The following SCFD2 variants were observed in gnomAD, a reference collection of about 807,000 sequenced individuals.
SCFD2 encodes sec1 family domain-containing protein 2.
In SCFD2, 54 loss-of-function variants were observed where a neutral mutation model predicts 58.9. The observed-to-expected ratio is 0.92, with a 90% confidence interval of 0.74 to 1.15. The LOEUF is 1.15. Among genes scored for constraint, SCFD2 ranks in the 50% most tolerant of loss-of-function variants. SCFD2 has a pLI of 0.00. For synonymous variants in SCFD2, 321 were observed against 335.9 expected (o/e 0.96, Z 0.49); for missense variants, 805 against 836.6 (o/e 0.96, Z 0.47).
intron 5 of SCFD2, among the ~76,000 whole-genome samples, chr4:52,940,969 T>C (rs1181887089): frequency 1.8e-4 from 27 of 152,076 alleles, no homozygotes; most frequent in Non-Finnish European, 1.6e-4. Flanking sequence ...ATATATCAGC[T>C]CAGATGTCCC....
At chr4:53,337,905 T>A (rs1459297924) in intron 2 of SCFD2, among the ~76,000 whole-genome samples, 3 of 152,340 alleles carry the variant, frequency 2.0e-5, no homozygotes, top group Middle Eastern at 3.4e-3. Flanking sequence ...TTTAATAATC[T>A]GCCTTTCAGA....
intron 5 of SCFD2, among the ~76,000 whole-genome samples, chr4:52,985,104 T>C (rs973220516): frequency 6.6e-6 from 1 of 152,200 alleles, no homozygotes; most frequent in Non-Finnish European, 1.5e-5. Flanking sequence ...CTTCAGACAA[T>C]TTAAGTTTTA....
intron 1 of SCFD2, among the ~76,000 whole-genome samples, chr4:53,363,642 T>C (rs1734611685): frequency 1.3e-5 from 2 of 151,866 alleles, no homozygotes; most frequent in Non-Finnish European, 2.9e-5. Flanking sequence ...GAGACCACGG[T>C]GAAACCCCGT....
At position 53,236,063 on chromosome 4, in the gene SCFD2, G is replaced by A. The variant is rs1729596472; in HGVS notation, c.1311+37763C>T. 2.0e-5 allele frequency among the ~76,000 whole-genome samples: 3 copies of A among 152,204 alleles called. No individual in the cohort carries two copies. In the South Asian group the frequency reaches 6.2e-4, roughly 32 times the overall value. On this transcript the variant is annotated intron_variant, in intron 4 of 8. Coordinates refer to ENST00000401642, the MANE Select transcript of SCFD2 (RefSeq NM_152540.4). ...CGAAGTATTGATTCTGGGTGTGTAAGTGAGGGTATTGGTAAAAGAGATTAA... is the reference window on the plus strand; with the variant it reads ...CGAAGTATTGATTCTGGGTGTGTAAATGAGGGTATTGGTAAAAGAGATTAA...
intron 2 of SCFD2, among the ~76,000 whole-genome samples, chr4:53,329,324 T>C (rs1245006520): frequency 6.6e-6 from 1 of 151,972 alleles, no homozygotes; most frequent in South Asian, 2.1e-4. Context: ...AGCAGTAACC[T>C]CTGCAGACTT....
chr4:53,137,996 A>G (rs1203251514), intron 5 of SCFD2, among the ~76,000 whole-genome samples: 1 of 152,158 alleles, frequency 6.6e-6, no homozygotes, highest in South Asian at 2.1e-4. Flanking sequence ...CTTTGTTCAT[A>G]AGAGTCTCGT....
intron 3 of SCFD2, among the ~76,000 whole-genome samples, chr4:53,291,828 C>G (rs548425832): frequency 6.6e-6 from 1 of 152,158 alleles, no homozygotes; most frequent in East Asian, 1.9e-4. Flanking sequence ...TAAGACCACA[C>G]ATCTACAACC....
chr4:53,266,552 A>G (rs989322697), intron 4 of SCFD2, among the ~76,000 whole-genome samples: 2 of 152,216 alleles, frequency 1.3e-5, no homozygotes, highest in African/African-American at 4.8e-5. Context: ...CTCTCTTGCT[A>G]TACTACAAGA....
At chr4:53,012,970 C>A (rs1340373360) in intron 5 of SCFD2, among the ~76,000 whole-genome samples, 1 of 152,020 alleles carries the variant, frequency 6.6e-6, no homozygotes, top group Non-Finnish European at 1.5e-5. Context: ...CAGGAAGGGG[C>A]CCTAGCTAGA....
In SCFD2 at chr4:53,354,495, G is replaced by A. The variant is rs111627228; in HGVS notation, c.839-1729C>T. On this transcript the variant is annotated intron_variant, in intron 1 of 8. Coordinates refer to ENST00000401642, the MANE Select transcript of SCFD2 (RefSeq NM_152540.4). ...CCGGCAAGCCAAGTGAGCTGGCTCC[G>A]GCCTCAACCAGCCCAGAGAGGGGCT... 5.9e-5 allele frequency among the ~76,000 whole-genome samples: 9 copies of A among 152,294 alleles called. No homozygotes were observed. In the South Asian group the frequency reaches 6.2e-4, roughly 11 times the overall value.
rs183647007 is a variant in SCFD2, at chr4:53,339,304, T to C, written c.1007+13294A>G. Among the ~76,000 whole-genome samples, 594 of 151,482 alleles carry C rather than the reference T, an allele frequency of 3.9e-3. 15 individuals carry two copies. The highest frequency in any genetic ancestry group is 0.035 in the Admixed American group (534 of 15,156). On this transcript the variant is annotated intron_variant, in intron 2 of 8. Coordinates refer to ENST00000401642, the MANE Select transcript of SCFD2 (RefSeq NM_152540.4). The stretch of plus-strand genomic sequence containing the variant: ...TTAAAATTACATCAGTAGATTGAGA[T>C]AAGTTATTACATGTTATTACATATA...
chr4:52,985,638 T>C (rs1721472129), intron 5 of SCFD2, among the ~76,000 whole-genome samples: 1 of 113,612 alleles, frequency 8.8e-6, no homozygotes, highest in Admixed American at 1.1e-4. Context: ...CTTTGGAAGA[T>C]TGCAAAAGGC....
At chr4:53,254,811 TTTTA>T (rs1730537483) in intron 4 of SCFD2, among the ~76,000 whole-genome samples, 15 of 12,858 alleles carry the variant, frequency 1.2e-3, no homozygotes, top group South Asian at 7.4e-3. Flanking sequence ...TATTTTTTTA[TTTTA>T]TTTTATTTTA....
At chr4:53,047,148 T>C (rs1723060986) in intron 5 of SCFD2, among the ~76,000 whole-genome samples, 1 of 152,186 alleles carries the variant, frequency 6.6e-6, no homozygotes, top group South Asian at 2.1e-4. Flanking sequence ...TTCTCAAAAG[T>C]GTGAAATCCC....
intron 1 of SCFD2, among the ~76,000 whole-genome samples, chr4:53,354,792 A>ATT (rs57890239): frequency 6.0e-4 from 90 of 149,600 alleles, no homozygotes; most frequent in African/African-American, 2.1e-3. Context: ...TTTTTCTTCT[A>ATT]TTTTTTTTTC....
At chr4:53,023,488 G>A (rs1192154362) in intron 5 of SCFD2, among the ~76,000 whole-genome samples, 1 of 152,070 alleles carries the variant, frequency 6.6e-6, no homozygotes, top group East Asian at 1.9e-4. Flanking sequence ...TGGGTGGGCA[G>A]ATTGCTGTGA....
At chr4:53,307,251 A>G (rs1732544072) in intron 3 of SCFD2, among the ~76,000 whole-genome samples, 2 of 152,228 alleles carry the variant, frequency 1.3e-5, no homozygotes, top group South Asian at 4.1e-4. Context: ...AAGCAATGAG[A>G]ATAGGTAGGT....
chr4:52,982,246 C>T (rs1721393383), intron 5 of SCFD2, among the ~76,000 whole-genome samples: 1 of 152,154 alleles, frequency 6.6e-6, no homozygotes, highest in South Asian at 2.1e-4. Context: ...CTGTAACTCT[C>T]TCCATCACCC....
At chr4:53,320,022 T>C (rs1015240790) in intron 2 of SCFD2, among the ~76,000 whole-genome samples, 25 of 152,252 alleles carry the variant, frequency 1.6e-4, no homozygotes, top group African/African-American at 5.1e-4. Flanking sequence ...TTACTAATGT[T>C]ATAATTTTCA....
Sources: allele counts gnomAD v4.1 joint callset (sites outside exome capture counted in the v4.1 genomes callset), GRCh38; gene constraint gnomAD v4.1.1; transcripts MANE v1.5; gene names NCBI Gene and HGNC (gene_info 2026-07-23, HGNC 2026-07-21).